Variants in SPATA17 observed in about 807,000 individuals in gnomAD.
The protein encoded by SPATA17 is spermatogenesis associated 17, also known as spermatogenesis-associated protein 17.
In SPATA17, 53 loss-of-function variants were observed where a neutral mutation model predicts 62.2. The observed-to-expected ratio is 0.85, with a 90% confidence interval of 0.68 to 1.07. SPATA17 has a LOEUF of 1.07. Ranked by LOEUF, SPATA17 falls within the 50% of genes least tolerant of loss-of-function variation. The pLI is 0.00. For synonymous variants in SPATA17, 146 were observed against 146.8 expected (o/e 0.99, Z 0.04); for missense variants, 466 against 425.5 (o/e 1.10, Z -0.84).
At chr1:217,776,098 A>G (rs978148711) in intron 7 of SPATA17, among the ~76,000 whole-genome samples, 3 of 152,208 alleles carry the variant, frequency 2.0e-5, no homozygotes, top group Admixed American at 6.5e-5. Context: ...AAATTTGAGA[A>G]TTTGAGACAG....
chr1:217,642,433 A>T (rs570331288), intron 1 of SPATA17, among the ~76,000 whole-genome samples: 3 of 152,292 alleles, frequency 2.0e-5, no homozygotes, highest in East Asian at 3.9e-4. Context: ...GAGCCACTTC[A>T]GTCTTCCTTC....
intron 1 of SPATA17, among the ~76,000 whole-genome samples, chr1:217,638,198 GTATA>G (rs1393674562): frequency 2.6e-5 from 4 of 151,880 alleles, no homozygotes; most frequent in African/African-American, 9.7e-5. Flanking sequence ...TATACATTAA[GTATA>G]TAAACTGTGT....
intron 9 of SPATA17, among the ~76,000 whole-genome samples, chr1:217,822,843 C>T (rs1035466107): frequency 6.6e-6 from 1 of 151,172 alleles, no homozygotes; most frequent in Non-Finnish European, 1.5e-5. Flanking sequence ...TCAGCCTGCT[C>T]AACTGATAGT....
At chr1:217,783,731 T>C (rs968078370) in intron 8 of SPATA17, among the ~76,000 whole-genome samples, 2 of 152,142 alleles carry the variant, frequency 1.3e-5, no homozygotes, top group Non-Finnish European at 2.9e-5. Context: ...TGATTGATAT[T>C]TCTACAGAAA....
intron 6 of SPATA17, among the ~76,000 whole-genome samples, chr1:217,765,501 T>C (rs1673278225): frequency 6.6e-6 from 1 of 152,004 alleles, no homozygotes; most frequent in Non-Finnish European, 1.5e-5. Flanking sequence ...TAAAATTTTC[T>C]CTTGAGGTTT....
In SPATA17 at chr1:217,747,016, C is replaced by T. The variant is rs1672773706; in HGVS notation, c.519+4918C>T. Among the ~76,000 whole-genome samples the T allele has an allele frequency of 2.6e-5, 4 of 152,084 alleles. 1 individual carries two copies. In the South Asian group the frequency reaches 8.3e-4, roughly 32 times the overall value. On this transcript the variant is annotated intron_variant, in intron 6 of 10. Coordinates refer to ENST00000366933, the MANE Select transcript of SPATA17 (RefSeq NM_138796.4). ...CCCAGAAAATACTATTTGTTATGCA[C>T]CCCATCACCTGTAAAACAGGGTTGG... is the stretch of plus-strand genomic sequence containing the variant.
chr1:217,632,667 A>C (rs1323709917), intron 1 of SPATA17, among the ~76,000 whole-genome samples: 1 of 152,212 alleles, frequency 6.6e-6, no homozygotes, highest in Admixed American at 6.5e-5. Flanking sequence ...TCCAACGTCT[A>C]TGATAGCCCC....
chr1:217,847,030 C>G (rs1675545484), intron 9 of SPATA17, among the ~76,000 whole-genome samples: 1 of 151,896 alleles, frequency 6.6e-6, no homozygotes, highest in Admixed American at 6.6e-5. Context: ...ACAATACATA[C>G]ACAGTTGAAT....
At chr1:217,637,576 G>C (rs1571696200) in intron 1 of SPATA17, among the ~76,000 whole-genome samples, 1 of 152,100 alleles carries the variant, frequency 6.6e-6, no homozygotes, top group Admixed American at 6.6e-5. Context: ...CCTATAAACG[G>C]AATAAATTTG....
intron 1 of SPATA17, among the ~76,000 whole-genome samples, chr1:217,640,385 A>C (rs1479728017): frequency 6.6e-6 from 1 of 151,248 alleles, no homozygotes; most frequent in African/African-American, 2.4e-5. Flanking sequence ...AATGAACTTA[A>C]CAAGTTCGCA....
chr1:217,795,959 A>G (rs904827066), intron 8 of SPATA17, among the ~76,000 whole-genome samples: 4 of 151,608 alleles, frequency 2.6e-5, no homozygotes, highest in Non-Finnish European at 5.9e-5. Context: ...CACCACGCCC[A>G]GCTGATTTTT....
intron 9 of SPATA17, among the ~76,000 whole-genome samples, chr1:217,837,821 G>A (rs1202114135): frequency 6.6e-6 from 1 of 152,032 alleles, no homozygotes; most frequent in Non-Finnish European, 1.5e-5. Flanking sequence ...TGTCCCATTT[G>A]TTGAGTATGT....
chr1:217,679,040 C>T (rs1465518117), intron 4 of SPATA17, among the ~76,000 whole-genome samples: 4 of 151,872 alleles, frequency 2.6e-5, no homozygotes, highest in African/African-American at 7.3e-5. Context: ...ACTGGAATAT[C>T]AACAGAATAG....
intron 4 of SPATA17, 37 bp downstream of exon 4, chr1:217,669,120 C>T (rs746509706): frequency 2.5e-5 from 40 of 1,572,094 alleles, no homozygotes; most frequent in Middle Eastern, 2.0e-4. Flanking sequence ...AATGAAAAGT[C>T]AATTGTGCCC....
intron 8 of SPATA17, among the ~76,000 whole-genome samples, chr1:217,799,016 T>C (rs1282002529): frequency 6.6e-6 from 1 of 152,114 alleles, no homozygotes; most frequent in Non-Finnish European, 1.5e-5. Context: ...TTGATAATTA[T>C]GTAAAATTTT....
intron 10 of SPATA17, chr1:217,866,340 C>T (rs889506375): frequency 3.3e-5 from 5 of 152,164 alleles, no homozygotes; most frequent in African/African-American, 1.2e-4. Flanking sequence ...ACCCCACCTA[C>T]CTGTGTGAAG....
chr1:217,774,745 C>G (rs778870005), intron 7 of SPATA17, among the ~76,000 whole-genome samples: 3 of 152,204 alleles, frequency 2.0e-5, no homozygotes, highest in Non-Finnish European at 4.4e-5. Context: ...CTCTCCATTT[C>G]CCTTTGCCCC....
intron 9 of SPATA17, among the ~76,000 whole-genome samples, chr1:217,837,744 G>T (rs193032042): frequency 1.4e-3 from 219 of 152,066 alleles, no homozygotes; most frequent in Non-Finnish European, 5.1e-4. Context: ...GATTTTGGGG[G>T]TGCTCATAAT....
intron 5 of SPATA17, chr1:217,737,727 G>A (rs1187406940): frequency 6.6e-6 from 1 of 152,392 alleles, no homozygotes; most frequent in African/African-American, 2.4e-5. Context: ...GTTTGGTTCT[G>A]TAGGGAGGAA....
Sources: allele counts gnomAD v4.1 joint callset (sites outside exome capture counted in the v4.1 genomes callset), GRCh38; gene constraint gnomAD v4.1.1; transcripts MANE v1.5; gene names NCBI Gene and HGNC (gene_info 2026-07-23, HGNC 2026-07-21).